The following SUCO variants were observed in gnomAD, a reference collection of about 807,000 sequenced individuals.
SUCO encodes SUN domain-containing ossification factor.
In SUCO, 57 loss-of-function variants were observed where a neutral mutation model predicts 148.1. That is an observed-to-expected ratio of 0.38 (90% CI 0.31 to 0.48). SUCO has a LOEUF of 0.48. SUCO is among the 20% of genes least tolerant of loss of function. The pLI, the probability that SUCO is intolerant of heterozygous loss-of-function variation, is 0.96. For synonymous variants in SUCO, 470 were observed against 502.7 expected (o/e 0.93, Z 0.87); for missense variants, 1,331 against 1,468.2 (o/e 0.91, Z 1.53).
At chr1:172,541,959 C>A in intron 1 of SUCO, 1 of 493,882 alleles carries the variant, frequency 2.0e-6, no homozygotes. Context: ...TGGTGGTGGT[C>A]AAAAAGAAGT....
chr1:172,545,488 G>A (rs1652787135), intron 1 of SUCO, among the ~76,000 whole-genome samples: 1 of 152,178 alleles, frequency 6.6e-6, no homozygotes, highest in African/African-American at 2.4e-5. Context: ...GAGTCAGTGT[G>A]AGATGAAAAG....
chr1:172,555,803 C>T (rs915607709), intron 3 of SUCO, 66 bp from the exon 4 acceptor site: 33 of 1,255,096 alleles, frequency 2.6e-5, no homozygotes, highest in African/African-American at 2.4e-4. Flanking sequence ...CATAAATGCC[C>T]GTTCTGCTAA....
rs1382821963 is a variant in SUCO, at chr1:172,533,199, C to G, written c.-237C>G. 6.6e-7 allele frequency: 1 copy of G among 1,510,272 alleles called. No individual in the cohort carries two copies. The highest frequency in any genetic ancestry group is 8.9e-7 in the Non-Finnish European group (1 of 1,129,826). 93.6% of individuals were successfully genotyped at this position (1,510,272 alleles called of 1,614,324 possible). A position where few individuals can be genotyped will look rare whatever the true frequency, so the allele number is the denominator to read the frequency against. On this transcript the variant is annotated 5_prime_UTR_variant, in exon 1 of 24. Transcript: ENST00000263688. ...GAGGCGGGCGTGGACGAGCCGGTGG[C>G]TGCAGCGGCGGCGGTCCCCGGAGTC...
At position 172,585,059 on chromosome 1, in the gene SUCO, G is replaced by A; in HGVS notation, c.1540G>A (p.Gly514Arg). The A allele has an allele frequency of 6.2e-7, 1 of 1,603,670 alleles. No individual in the cohort carries two copies. Among genetic ancestry groups the A allele is most frequent in the Non-Finnish European group, 8.5e-7 (1 of 1,174,402 alleles). ...GGTGAATATTGCTGCTAATATTCTG[G>A]GAGCAAAAACTGAAGACCTGACAGA... ...NMVNIAANIL[G>R]AKTEDLTEGN... Residue 514 changes from glycine to arginine, a missense_variant, in exon 16 of 24, where the codon GGA becomes AGA. Around this residue, in one of 3 missense-constraint regions of SUCO, gnomAD observed 992 missense variants for 1,093.5 expected, o/e 0.91. Transcript: ENST00000263688.
Position 172,610,382 on chromosome 1 carries a change from G to A in SUCO, c.*123G>A. The A allele has an allele frequency of 1.4e-6, 2 of 1,396,258 alleles. No homozygotes were observed. Among genetic ancestry groups the A allele is most frequent in the South Asian group, 1.8e-5 (1 of 56,850 alleles). The allele number at this position is 1,396,258 out of a possible 1,614,324, so 86.5% of individuals were successfully genotyped here. A position where few individuals can be genotyped will look rare whatever the true frequency, so the allele number is the denominator to read the frequency against. Reference sequence around the variant, plus strand: ...ATGGGAAAGGCATTCAGAAATTATGGTTTCTACCTTTTTAAAAAGTAGATG... The same window carrying A: ...ATGGGAAAGGCATTCAGAAATTATGATTTCTACCTTTTTAAAAAGTAGATG... On this transcript the variant is annotated 3_prime_UTR_variant, in exon 24 of 24. Coordinates refer to ENST00000263688, the MANE Select transcript of SUCO (RefSeq NM_014283.5).
At chr1:172,566,333 T>G (rs960525798) in intron 6 of SUCO, among the ~76,000 whole-genome samples, 2 of 152,250 alleles carry the variant, frequency 1.3e-5, no homozygotes, top group African/African-American at 2.4e-5. Context: ...CCATCTCTCA[T>G]TGGCTCTTGC....
At chr1:172,569,186 T>C in intron 7 of SUCO, 44 bp downstream of exon 7, 1 of 1,408,568 alleles carries the variant, frequency 7.1e-7, no homozygotes, top group Non-Finnish European at 9.6e-7. Flanking sequence ...TTTAAGTATA[T>C]GGTGTAGTTT....
At chr1:172,600,249 G>A in intron 20 of SUCO, 81 bp downstream of exon 20, 1 of 1,009,350 alleles carries the variant, frequency 9.9e-7, no homozygotes, top group Non-Finnish European at 1.5e-6. Flanking sequence ...CATGAACATG[G>A]TACCTAAAAC....
chr1:172,601,950 T>C lies in SUCO; in HGVS notation c.3019-114T>C. The C allele has an allele frequency of 2.8e-6, 3 of 1,088,118 alleles. No homozygotes were observed. The South Asian group carries it at 6.4e-5, about 23-fold the overall frequency. 67.4% of individuals were successfully genotyped at this position (1,088,118 alleles called of 1,614,324 possible). ...AGAGCATGCCCTGCATTTCTGGTCT[T>C]TGAAGCACATTAAAAAAATACTTAA... On this transcript the variant is annotated intron_variant, in intron 20 of 23. Transcript: ENST00000263688.
intron 1 of SUCO, among the ~76,000 whole-genome samples, chr1:172,537,793 A>C (rs1291130082): frequency 1.3e-5 from 2 of 152,228 alleles, no homozygotes; most frequent in Admixed American, 1.3e-4. Context: ...CAAATATAAC[A>C]GGTACTTACA....
chr1:172,602,131 G>A lies in SUCO; in HGVS notation c.3086G>A (p.Cys1029Tyr), dbSNP rs923022786. Residue 1029 changes from cysteine (C) to tyrosine (Y), a missense_variant, in exon 21 of 24, where the codon TGT becomes TAT. Physicochemically the swap from Cys to Tyr is radical, Grantham distance 194. Around this residue, in one of 3 missense-constraint regions of SUCO, gnomAD observed 334 missense variants for 352.3 expected, o/e 0.95. Coordinates refer to ENST00000263688, the MANE Select transcript of SUCO (RefSeq NM_014283.5). ...VLCVVLGLML[C>Y]MQRCRNTSQF... is the part of the protein sequence containing the mutation. ...TGTGTTGTCTTGGGACTGATGCTTTGTATGCAGCGTTGTCGAAATACTTCT... is the reference window on the plus strand; with the variant it reads ...TGTGTTGTCTTGGGACTGATGCTTTATATGCAGCGTTGTCGAAATACTTCT... 11 of 1,613,498 alleles carry A rather than the reference G, an allele frequency of 6.8e-6. No homozygotes were observed. The highest frequency in any genetic ancestry group is 1.1e-5 in the South Asian group (1 of 91,062).
chr1:172,596,654 C>T (rs1657119898), intron 19 of SUCO, among the ~76,000 whole-genome samples: 1 of 152,190 alleles, frequency 6.6e-6, no homozygotes, highest in African/African-American at 2.4e-5. Context: ...AAAGCTTTGT[C>T]TCAGAGGGGC....
At chr1:172,589,961 A>T in intron 18 of SUCO, 35 bp downstream of exon 18, 1 of 1,481,100 alleles carries the variant, frequency 6.8e-7, no homozygotes, top group Non-Finnish European at 8.9e-7. Context: ...AGTCAGCTTC[A>T]CACAGTGAGT....
At chr1:172,533,049 G>A (rs1264781613), upstream of SUCO, 11 of 1,431,502 alleles carry the variant, frequency 7.7e-6, no homozygotes, top group Admixed American at 5.9e-5. Context: ...CGGTGTGTGA[G>A]GTGTCGCGGC....
chr1:172,566,560 A>G (rs1410946171), intron 6 of SUCO, among the ~76,000 whole-genome samples: 1 of 152,272 alleles, frequency 6.6e-6, no homozygotes, highest in Non-Finnish European at 1.5e-5. Flanking sequence ...AATTGACTGT[A>G]TACAGCAGCA....
chr1:172,593,909 C>CT (rs1035638302), intron 19 of SUCO, among the ~76,000 whole-genome samples: 4 of 152,048 alleles, frequency 2.6e-5, no homozygotes, highest in African/African-American at 7.2e-5. Context: ...TGGTCCTGGA[C>CT]TTTTTTTGGT....
chr1:172,607,787 T>C (rs1657957489), intron 22 of SUCO, among the ~76,000 whole-genome samples: 1 of 152,010 alleles, frequency 6.6e-6, no homozygotes, highest in South Asian at 2.1e-4. Flanking sequence ...ATTAGTAATC[T>C]GGTAGAAATG....
At chr1:172,555,639 T>C (rs1653687688) in intron 3 of SUCO, among the ~76,000 whole-genome samples, 1 of 152,178 alleles carries the variant, frequency 6.6e-6, no homozygotes, top group African/African-American at 2.4e-5. Flanking sequence ...AGAAAGTGCT[T>C]TCCTAGTTTA....
intron 19 of SUCO, among the ~76,000 whole-genome samples, chr1:172,592,119 A>G (rs1400362157): frequency 6.6e-6 from 1 of 151,860 alleles, no homozygotes; most frequent in East Asian, 1.9e-4. Flanking sequence ...CTACTTTTTG[A>G]TGGGGTTGTT....
Sources: allele counts gnomAD v4.1 joint callset (sites outside exome capture counted in the v4.1 genomes callset), GRCh38; gene constraint gnomAD v4.1.1; regional missense constraint gnomAD v4.1.1; transcripts MANE v1.5; gene names NCBI Gene and HGNC (gene_info 2026-07-23, HGNC 2026-07-21).